MEMO1: variants seen among roughly 807,000 people sequenced by gnomAD.
MEMO1 encodes protein MEMO1.
A neutral mutation model predicts 45.2 loss-of-function variants in MEMO1; 6 were observed. That is an observed-to-expected ratio of 0.13 (90% CI 0.07 to 0.26). MEMO1 has a LOEUF of 0.26. MEMO1 is among the 10% of genes least tolerant of loss of function. The pLI is 1.00. For synonymous variants in MEMO1, 78 were observed against 124.3 expected (o/e 0.63, Z 2.48); for missense variants, 184 against 370.5 (o/e 0.50, Z 4.13).
chr2:31,954,314 T>G (rs1667165433), intron 2 of MEMO1, among the ~76,000 whole-genome samples: 1 of 152,196 alleles, frequency 6.6e-6, no homozygotes, highest in African/African-American at 2.4e-5. Flanking sequence ...CCAGGCTTTG[T>G]GGCTCATGCC....
At chr2:32,000,233 A>T (rs904973749) in intron 2 of MEMO1, among the ~76,000 whole-genome samples, 9 of 139,394 alleles carry the variant, frequency 6.5e-5, no homozygotes, top group African/African-American at 1.1e-4. Context: ...CTTTTTACTT[A>T]TTTTTTTTTT....
chr2:31,881,276 T>A (rs1675319672), intron 8 of MEMO1, among the ~76,000 whole-genome samples: 1 of 150,920 alleles, frequency 6.6e-6, no homozygotes, highest in African/African-American at 2.4e-5. Flanking sequence ...GATCACTTGA[T>A]CTCAGGAGTT....
At chr2:31,963,629 A>G (rs1398493752) in intron 2 of MEMO1, among the ~76,000 whole-genome samples, 1 of 152,226 alleles carries the variant, frequency 6.6e-6, no homozygotes, top group Non-Finnish European at 1.5e-5. Context: ...TATTATAGAT[A>G]ATAAATGAAG....
At chr2:31,994,080 C>T (rs2148560083) in intron 2 of MEMO1, among the ~76,000 whole-genome samples, 1 of 148,958 alleles carries the variant, frequency 6.7e-6, no homozygotes, top group Admixed American at 6.7e-5. Context: ...TCTGCCTCAG[C>T]CCCCCGAGCA....
At chr2:31,999,225 C>G (rs115557829) in intron 2 of MEMO1, among the ~76,000 whole-genome samples, 169 of 152,296 alleles carry the variant, frequency 1.1e-3, no homozygotes, top group Non-Finnish European at 2.1e-3. Flanking sequence ...TAACTGGTCT[C>G]CCTGGTTCTG....
chr2:31,940,838 T>C (rs775732228), intron 3 of MEMO1, among the ~76,000 whole-genome samples: 146 of 152,272 alleles, frequency 9.6e-4, no homozygotes, highest in Non-Finnish European at 1.8e-3. Context: ...TAGCCAAGTG[T>C]CATTCTTGAC....
chr2:32,006,943 C>T (rs1219951466), intron 2 of MEMO1, among the ~76,000 whole-genome samples: 7 of 110,992 alleles, frequency 6.3e-5, no homozygotes, highest in Non-Finnish European at 1.2e-4. Context: ...CCACCCTGGG[C>T]AACACAGCAA....
chr2:31,969,013 C>CAT (rs1668960318), intron 2 of MEMO1, among the ~76,000 whole-genome samples: 1 of 151,732 alleles, frequency 6.6e-6, no homozygotes, highest in Admixed American at 6.6e-5. Context: ...AGTAGACTAC[C>CAT]ATATGTGCAT....
At chr2:32,010,804 C>G (rs1674829676) in intron 1 of MEMO1, 138 bp downstream of exon 1, 1 of 152,140 alleles carries the variant, frequency 6.6e-6, no homozygotes, top group South Asian at 2.1e-4. Flanking sequence ...CGGCGGAAAC[C>G]GGACAGGCCT....
intron 6 of MEMO1, among the ~76,000 whole-genome samples, chr2:31,915,045 T>C (rs1006842274): frequency 6.6e-6 from 1 of 151,270 alleles, no homozygotes; most frequent in Non-Finnish European, 1.5e-5. Context: ...GGTGGGAAGA[T>C]TGCTTGAGAC....
chr2:31,990,636 T>C (rs56686343), intron 2 of MEMO1, among the ~76,000 whole-genome samples: 2 of 150,718 alleles, frequency 1.3e-5, no homozygotes, highest in African/African-American at 2.4e-5. Context: ...CTTGAACTGG[T>C]GAGCTCAAGT....
At chr2:31,901,935 A>G (rs1306548291) in intron 6 of MEMO1, among the ~76,000 whole-genome samples, 1 of 151,468 alleles carries the variant, frequency 6.6e-6, no homozygotes. Context: ...CTAAAACTAG[A>G]TTGTGAGAAT....
At chr2:31,935,352 C>T (rs924520920) in intron 3 of MEMO1, among the ~76,000 whole-genome samples, 6 of 152,066 alleles carry the variant, frequency 3.9e-5, no homozygotes, top group Non-Finnish European at 7.4e-5. Flanking sequence ...TAAAACTACA[C>T]GAAAGGATGA....
intron 6 of MEMO1, among the ~76,000 whole-genome samples, chr2:31,907,438 T>A (rs1679925886): frequency 6.6e-6 from 1 of 152,158 alleles, no homozygotes. Flanking sequence ...TTAACCAAAA[T>A]TTTAAAAATC....
chr2:31,907,729 G>A (rs908359689), intron 6 of MEMO1, among the ~76,000 whole-genome samples: 1 of 151,716 alleles, frequency 6.6e-6, no homozygotes, highest in Non-Finnish European at 1.5e-5. Flanking sequence ...GGAGGTGGAA[G>A]TTGTGGTGAA....
chr2:31,973,812 G>A (rs1230128470), intron 2 of MEMO1, among the ~76,000 whole-genome samples: 1 of 152,184 alleles, frequency 6.6e-6, no homozygotes, highest in Non-Finnish European at 1.5e-5. Context: ...TGGGGGATAA[G>A]AGGAGGAAAA....
At chr2:31,880,905 T>A (rs948517799) in intron 8 of MEMO1, among the ~76,000 whole-genome samples, 5 of 151,988 alleles carry the variant, frequency 3.3e-5, no homozygotes, top group African/African-American at 1.2e-4. Context: ...ATGTCTATAG[T>A]CCCAGCTACT....
At chr2:31,931,557 T>G (rs892378148) in intron 4 of MEMO1, among the ~76,000 whole-genome samples, 10 of 152,274 alleles carry the variant, frequency 6.6e-5, no homozygotes, top group Admixed American at 3.9e-4. Flanking sequence ...GAAGTTTTTT[T>G]TTTTCTAAGC....
chr2:31,984,665 G>T (rs1156420453), intron 2 of MEMO1, among the ~76,000 whole-genome samples: 1 of 152,178 alleles, frequency 6.6e-6, no homozygotes, highest in African/African-American at 2.4e-5. Context: ...AATTAGCGAG[G>T]CGTGGTGGCG....
Sources: gnomAD v4.1 joint callset for allele counts (sites outside exome capture counted in the v4.1 genomes callset) on GRCh38, gnomAD v4.1.1 for gene constraint, MANE v1.5 for transcripts, NCBI Gene and HGNC (gene_info 2026-07-23, HGNC 2026-07-21) for gene names.